KLHL18: variants seen among roughly 807,000 people sequenced by gnomAD.
The protein encoded by KLHL18 is kelch like family member 18, also known as kelch-like protein 18.
KLHL18 carries 38 observed loss-of-function variants against 58.5 expected under a neutral mutation model. That is an observed-to-expected ratio of 0.65 (90% confidence interval 0.50 to 0.85). The LOEUF (loss-of-function observed/expected upper bound fraction) is 0.85, where lower values mean the gene tolerates loss of function less well. KLHL18 is among the 40% of genes least tolerant of loss of function. KLHL18 has a pLI of 0.00. For synonymous variants in KLHL18, 303 were observed against 301.9 expected, an observed-to-expected ratio of 1.00 and a Z score of -0.04; for missense variants, 624 against 778.4, an observed-to-expected ratio of 0.80 and a Z score of 2.36.
chr3:47,320,035 AT>A lies in KLHL18; in HGVS notation c.260+269del, dbSNP rs546913284. On this transcript the variant is annotated intron_variant, in intron 2 of 9. Coordinates refer to ENST00000232766, the MANE Select transcript of KLHL18 (RefSeq NM_025010.5). ...CATTTAATAGGACCTAGACTCCATG[AT>A]TTTTTTTTTTTTTTTTGACTGGGGC... 7.1e-3 allele frequency among the ~76,000 whole-genome samples: 984 copies of A among 139,426 alleles called. 1 individual carries two copies. Among genetic ancestry groups the A allele is most frequent in the South Asian group, 0.036 (159 of 4,428 alleles). 91.5% of individuals were successfully genotyped at this position (139,426 alleles called of 152,430 possible).
intron 5 of KLHL18, 46 bp downstream of exon 5, chr3:47,333,363 AG>A (rs749562458): frequency 6.4e-7 from 1 of 1,569,376 alleles, no homozygotes; most frequent in African/African-American, 1.4e-5. Context: ...AGGTCTAAGC[AG>A]GGAAGAGGAG....
At chr3:47,291,477 G>C (rs1702790407) in intron 1 of KLHL18, among the ~76,000 whole-genome samples, 1 of 152,230 alleles carries the variant, frequency 6.6e-6, no homozygotes, top group Non-Finnish European at 1.5e-5. Flanking sequence ...TAAAGGGCCA[G>C]ATAGTAAATA....
intron 1 of KLHL18, among the ~76,000 whole-genome samples, chr3:47,288,266 A>G (rs978897957): frequency 4.6e-5 from 7 of 151,714 alleles, no homozygotes; most frequent in Non-Finnish European, 1.0e-4. Context: ...CCACTGCACT[A>G]ATTCATTAGC....
At chr3:47,287,911 A>G (rs1192265707) in intron 1 of KLHL18, among the ~76,000 whole-genome samples, 1 of 152,174 alleles carries the variant, frequency 6.6e-6, no homozygotes, top group African/African-American at 2.4e-5. Flanking sequence ...TTTTATCTGG[A>G]CAAAATGTTC....
intron 1 of KLHL18, among the ~76,000 whole-genome samples, chr3:47,317,334 G>A (rs1028527605): frequency 2.6e-5 from 4 of 151,976 alleles, no homozygotes; most frequent in Non-Finnish European, 5.9e-5. Flanking sequence ...GGCTGGTCTC[G>A]AACCCCTGAC....
At chr3:47,322,888 GA>G (rs1206773955) in intron 3 of KLHL18, among the ~76,000 whole-genome samples, 180 bp downstream of exon 3, 2 of 152,104 alleles carry the variant, frequency 1.3e-5, no homozygotes, top group Non-Finnish European at 2.9e-5. Flanking sequence ...TCTTTGAGAT[GA>G]ATTTTTTCAG....
At chr3:47,305,056 A>C (rs1703110976) in intron 1 of KLHL18, among the ~76,000 whole-genome samples, 1 of 151,844 alleles carries the variant, frequency 6.6e-6, no homozygotes, top group South Asian at 2.1e-4. Flanking sequence ...AAAACCCATA[A>C]TGTCATCAGC....
rs568341610 is a variant in KLHL18 at position 47,312,638 on chromosome 3, C to G, written c.130-7015C>G. 5.3e-5 allele frequency among the ~76,000 whole-genome samples: 8 copies of G among 152,262 alleles called. No homozygotes were observed. The East Asian group carries it at 1.4e-3, about 26-fold the overall frequency. ...ATTAATTATAGGGAACCCACTTACC[C>G]TCTTATATAAGCTATAGTTTATGTT... On this transcript the variant is annotated intron_variant, in intron 1 of 9. Transcript: ENST00000232766.
At chr3:47,341,091 G>A (rs2107664764) in intron 8 of KLHL18, among the ~76,000 whole-genome samples, 1 of 152,210 alleles carries the variant, frequency 6.6e-6, no homozygotes, top group East Asian at 1.9e-4. Context: ...CAGAGTCCTT[G>A]TCTTTCCATA....
At position 47,300,315 on chromosome 3, in the gene KLHL18, G is replaced by T. The variant is rs371045398; in HGVS notation, c.129+17221G>T. Among the ~76,000 whole-genome samples, 3 of 108,290 alleles carry T rather than the reference G, an allele frequency of 2.8e-5. No individual in the cohort carries two copies. In the South Asian group the frequency reaches 8.9e-4, roughly 32 times the overall value. The allele number at this position is 108,290 out of a possible 152,430, so 71.0% of individuals were successfully genotyped here. On this transcript the variant is annotated intron_variant, in intron 1 of 9. Transcript: ENST00000232766. Reference sequence around the variant, plus strand: ...TATATATATATATATATATATGTGTGTATATATGTATATGTATATACGTGT... The same window carrying T: ...TATATATATATATATATATATGTGTTTATATATGTATATGTATATACGTGT...
intron 2 of KLHL18, among the ~76,000 whole-genome samples, chr3:47,321,158 CT>C (rs1371611559): frequency 6.6e-6 from 1 of 151,582 alleles, no homozygotes; most frequent in Non-Finnish European, 1.5e-5. Context: ...TTCTGCCAAC[CT>C]TTTTTTTGGG....
chr3:47,330,099 G>A lies in KLHL18; in HGVS notation c.550G>A (p.Val184Met), dbSNP rs767302440. The A allele has an allele frequency of 9.3e-6, 15 of 1,614,030 alleles. No individual in the cohort carries two copies. The highest frequency in any genetic ancestry group is 3.3e-4 in the Middle Eastern group (2 of 6,084). Residue 184 changes from valine (V) to methionine (M), a missense_variant, in exon 4 of 10, where the codon GTG becomes ATG. By Grantham distance (21) the Val-to-Met change is conservative (BLOSUM62 1). Transcript: ENST00000232766. ...EEFLALPLED[V>M]LELVSRDELN... ...GTTCCTGGCCCTGCCCTTGGAAGAC[G>A]TGCTTGAGCTGGTGTCTCGGGATGA...
At position 47,342,736 on chromosome 3, in the gene KLHL18, C is replaced by T. The variant is rs748872849; in HGVS notation, c.1244C>T (p.Ser415Leu). ...TCCTGAAGATGGACAGTGGTGACCT[C>T]GATGAGCTCGAATCGCAGTGCTGCT... ...PETDKWTVVT[S>L]MSSNRSAAGV... Residue 415 changes from serine (S) to leucine (L), a missense_variant, in exon 9 of 10, where the codon TCG becomes TTG. Coordinates refer to ENST00000232766, the MANE Select transcript of KLHL18 (RefSeq NM_025010.5). 3.8e-5 allele frequency: 62 copies of T among 1,613,908 alleles called. No individual in the cohort carries two copies. The highest frequency in any genetic ancestry group is 3.7e-5 in the Non-Finnish European group (44 of 1,179,978).
chr3:47,308,749 C>T (rs1056580205), intron 1 of KLHL18, among the ~76,000 whole-genome samples: 1 of 151,944 alleles, frequency 6.6e-6, no homozygotes, highest in Admixed American at 6.6e-5. Flanking sequence ...CTCCTCTCAT[C>T]GTCCTCAGTG....
chr3:47,288,424 C>T (rs562470747), intron 1 of KLHL18, among the ~76,000 whole-genome samples: 1 of 152,186 alleles, frequency 6.6e-6, no homozygotes, highest in Admixed American at 6.5e-5. Context: ...CATCTTCTGT[C>T]ACTGACGGTA....
At chr3:47,304,023 G>A (rs1309745123) in intron 1 of KLHL18, among the ~76,000 whole-genome samples, 1 of 151,930 alleles carries the variant, frequency 6.6e-6, no homozygotes, top group African/African-American at 2.4e-5. Context: ...AGCAGTTTTA[G>A]TTTCACAGCA....
At chr3:47,307,880 C>G (rs1047350160) in intron 1 of KLHL18, among the ~76,000 whole-genome samples, 1 of 152,110 alleles carries the variant, frequency 6.6e-6, no homozygotes, top group Admixed American at 6.5e-5. Flanking sequence ...GTATTTCTGA[C>G]TGCTTATTCT....
At chr3:47,300,621 G>A (rs1289866491) in intron 1 of KLHL18, among the ~76,000 whole-genome samples, 1 of 125,940 alleles carries the variant, frequency 7.9e-6, no homozygotes, top group African/African-American at 2.9e-5. Flanking sequence ...ATGAGTAGTG[G>A]TATCTCATTG....
chr3:47,283,429 C>T, intron 1 of KLHL18: 2 of 355,704 alleles, frequency 5.6e-6, no homozygotes, highest in Non-Finnish European at 5.2e-6. Flanking sequence ...CGGTGGCCGG[C>T]TCCACATGCT....
Sources: gnomAD v4.1 joint callset for allele counts (sites outside exome capture counted in the v4.1 genomes callset) on GRCh38, gnomAD v4.1.1 for gene constraint, MANE v1.5 for transcripts, NCBI Gene and HGNC (gene_info 2026-07-23, HGNC 2026-07-21) for gene names.